Variants in PRCP observed in about 807,000 individuals in gnomAD.
PRCP encodes the protein lysosomal Pro-X carboxypeptidase.
PRCP carries 46 observed loss-of-function variants against 54.2 expected under a neutral mutation model. That is an observed-to-expected ratio of 0.85 (90% CI 0.67 to 1.09). The LOEUF is 1.09. Ranked by LOEUF, PRCP falls within the 50% of genes least tolerant of loss-of-function variation. The pLI is 0.00. For synonymous variants in PRCP, 240 were observed against 212.2 expected (o/e 1.13, Z -1.14); for missense variants, 613 against 596.8 (o/e 1.03, Z -0.28).
chr11:82,840,603 T>A (rs1435526023), intron 6 of PRCP: 1 of 152,154 alleles, frequency 6.6e-6, no homozygotes, highest in African/African-American at 2.4e-5. Context: ...TTATTTTAAC[T>A]TTTCCATATG....
chr11:82,846,361 TG>T (rs1858810118), intron 6 of PRCP, among the ~76,000 whole-genome samples: 1 of 151,848 alleles, frequency 6.6e-6, no homozygotes. Flanking sequence ...GGAGACGTAG[TG>T]GAAAAATTCT....
At chr11:82,885,357 C>G (rs906518353) in intron 1 of PRCP, among the ~76,000 whole-genome samples, 2 of 152,148 alleles carry the variant, frequency 1.3e-5, no homozygotes, top group Non-Finnish European at 2.9e-5. Flanking sequence ...CCTGTGACAT[C>G]ACTTTCATTG....
intron 1 of PRCP, among the ~76,000 whole-genome samples, chr11:82,878,383 G>A (rs1031551305): frequency 6.6e-6 from 1 of 152,156 alleles, no homozygotes; most frequent in Non-Finnish European, 1.5e-5. Context: ...GGAGTGGTAT[G>A]ATATGGTTTG....
intron 4 of PRCP, 39 bp from the exon 5 acceptor site, chr11:82,850,110 A>AC: frequency 5.5e-6 from 5 of 905,192 alleles, no homozygotes; most frequent in Non-Finnish European, 7.0e-6. Flanking sequence ...AAAAGAAAAG[A>AC]AAAAATATAT....
At chr11:82,880,214 G>T (rs1183187631) in intron 1 of PRCP, among the ~76,000 whole-genome samples, 1 of 152,202 alleles carries the variant, frequency 6.6e-6, no homozygotes, top group Non-Finnish European at 1.5e-5. Context: ...CGGCCACTTT[G>T]TTTACCTACT....
chr11:82,835,738 G>GA (rs1385741428), intron 8 of PRCP: 43 of 340,338 alleles, frequency 1.3e-4, no homozygotes, highest in Middle Eastern at 1.0e-3. Context: ...AGAAAAAGGA[G>GA]AAAAAAAAGA....
Position 82,823,006 on chromosome 11 carries a change from C to T in PRCP, c.*1900G>A, listed in dbSNP as rs760043555. 3.3e-5 allele frequency among the ~76,000 whole-genome samples: 5 copies of T among 152,192 alleles called. No individual in the cohort carries two copies. The highest frequency in any genetic ancestry group is 7.3e-5 in the Non-Finnish European group (5 of 68,028). Reference sequence around the variant, plus strand: ...TTTAAATAATAAGGCTTATCTGACACTCCAATTCTTTTTCATGTTAAAATT... The same window carrying T: ...TTTAAATAATAAGGCTTATCTGACATTCCAATTCTTTTTCATGTTAAAATT... On this transcript the variant is annotated 3_prime_UTR_variant, in exon 9 of 9. Transcript: ENST00000313010.
chr11:82,833,645 C>G (rs1427219385), intron 8 of PRCP, among the ~76,000 whole-genome samples: 1 of 152,092 alleles, frequency 6.6e-6, no homozygotes, highest in Non-Finnish European at 1.5e-5. Context: ...AGTGTACTTT[C>G]ATTTATTCAT....
intron 8 of PRCP, among the ~76,000 whole-genome samples, chr11:82,833,076 C>G (rs1222384985): frequency 2.0e-5 from 3 of 152,192 alleles, no homozygotes; most frequent in Non-Finnish European, 4.4e-5. Flanking sequence ...TGAAGCCTTC[C>G]TGAGCTGTGT....
chr11:82,827,421 T>A (rs1472652235), intron 8 of PRCP: 1 of 152,220 alleles, frequency 6.6e-6, no homozygotes, highest in Non-Finnish European at 1.5e-5. Flanking sequence ...TGACCTATTC[T>A]GAGTTGATTT....
chr11:82,835,572 A>G, intron 8 of PRCP: 1 of 305,598 alleles, frequency 3.3e-6, no homozygotes, highest in South Asian at 3.0e-5. Flanking sequence ...GAATCCCTTT[A>G]TGTTAGATGA....
intron 1 of PRCP, among the ~76,000 whole-genome samples, chr11:82,894,930 T>A (rs1013322458): frequency 6.6e-6 from 1 of 152,216 alleles, no homozygotes; most frequent in African/African-American, 2.4e-5. Flanking sequence ...TAGTTTCATA[T>A]GCTTCTTTTT....
intron 8 of PRCP, among the ~76,000 whole-genome samples, chr11:82,832,118 T>C (rs967820642): frequency 1.3e-5 from 2 of 152,200 alleles, no homozygotes; most frequent in African/African-American, 4.8e-5. Context: ...AGTCAATCAT[T>C]GATGGGTATT....
At chr11:82,839,576 T>C (rs991945419) in intron 6 of PRCP, 151 bp from the exon 7 acceptor site, 4 of 815,454 alleles carry the variant, frequency 4.9e-6, no homozygotes, top group Admixed American at 2.9e-5. Context: ...TTGGGTTTAA[T>C]CCCCTCCATA....
intron 1 of PRCP, among the ~76,000 whole-genome samples, chr11:82,881,285 C>A (rs539394312): frequency 6.6e-6 from 1 of 152,188 alleles, no homozygotes; most frequent in Non-Finnish European, 1.5e-5. Context: ...CATTATGCCC[C>A]GGTGAGTGTA....
intron 6 of PRCP, among the ~76,000 whole-genome samples, chr11:82,847,506 G>C (rs1188544218): frequency 1.3e-5 from 2 of 152,180 alleles, no homozygotes; most frequent in Non-Finnish European, 2.9e-5. Context: ...AAATAGTAAA[G>C]TAATATGGAC....
intron 7 of PRCP, among the ~76,000 whole-genome samples, 200 bp from the exon 8 acceptor site, chr11:82,838,774 A>C (rs1271232763): frequency 6.6e-6 from 1 of 152,204 alleles, no homozygotes; most frequent in Admixed American, 6.5e-5. Context: ...AAGTCACGGA[A>C]GTCAGGATTA....
chr11:82,889,911 G>C (rs972217326), intron 1 of PRCP, among the ~76,000 whole-genome samples: 2 of 152,154 alleles, frequency 1.3e-5, no homozygotes, highest in Non-Finnish European at 2.9e-5. Context: ...TGTACCGGAG[G>C]GGGAAACTGC....
intron 1 of PRCP, among the ~76,000 whole-genome samples, chr11:82,863,655 A>T (rs1859262621): frequency 6.6e-6 from 1 of 152,230 alleles, no homozygotes; most frequent in South Asian, 2.1e-4. Flanking sequence ...ATCCAGTCTA[A>T]AATTTTCAGA....
Sources: allele counts gnomAD v4.1 joint callset (sites outside exome capture counted in the v4.1 genomes callset), GRCh38; gene constraint gnomAD v4.1.1; transcripts MANE v1.5; gene names NCBI Gene and HGNC (gene_info 2026-07-23, HGNC 2026-07-21).